Variants in SIAH3 observed in about 807,000 individuals in gnomAD.
SIAH3 encodes siah E3 ubiquitin protein ligase family member 3, also known as seven in absentia homolog 3.
SIAH3 carries 9 observed loss-of-function variants against 12.6 expected under a neutral mutation model. The observed-to-expected ratio is 0.72, with a 90% CI of 0.43 to 1.25. The LOEUF is 1.25. Among genes scored for constraint, SIAH3 ranks in the 50% most tolerant of loss-of-function variants. SIAH3 has a pLI of 0.00. For synonymous variants in SIAH3, 154 were observed against 151.1 expected, an observed-to-expected ratio of 1.02 and a Z score of -0.14; for missense variants, 390 against 365.4, an observed-to-expected ratio of 1.07 and a Z score of -0.55.
At chr13:45,842,276 AATG>A in intron 1 of SIAH3, among the ~76,000 whole-genome samples, 1 of 152,352 alleles carries the variant, frequency 6.6e-6, no homozygotes, top group South Asian at 2.1e-4. Flanking sequence ...ACCTACTAGT[AATG>A]ATGATAACTA....
intron 1 of SIAH3, among the ~76,000 whole-genome samples, chr13:45,837,900 C>T (rs1950724467): frequency 6.6e-6 from 1 of 152,154 alleles, no homozygotes; most frequent in African/African-American, 2.4e-5. Context: ...TTTAAAATAC[C>T]TCTGTGGACT....
At chr13:45,791,443 T>C (rs1192587312) in intron 1 of SIAH3, among the ~76,000 whole-genome samples, 1 of 152,214 alleles carries the variant, frequency 6.6e-6, no homozygotes, top group East Asian at 1.9e-4. Context: ...GAAAGGCTGT[T>C]TGTCTTCAGT....
chr13:45,837,358 T>C (rs1206326031), intron 1 of SIAH3, among the ~76,000 whole-genome samples: 1 of 152,134 alleles, frequency 6.6e-6, no homozygotes, highest in Non-Finnish European at 1.5e-5. Context: ...TCTTTCTCAT[T>C]CCCAGAGGTT....
At chr13:45,802,856 G>A (rs1950586718) in intron 1 of SIAH3, among the ~76,000 whole-genome samples, 1 of 152,206 alleles carries the variant, frequency 6.6e-6, no homozygotes, top group African/African-American at 2.4e-5. Context: ...TGGATCAACT[G>A]AGGTCAGGAG....
chr13:45,831,764 A>G (rs1288042254), intron 1 of SIAH3, among the ~76,000 whole-genome samples: 1 of 152,228 alleles, frequency 6.6e-6, no homozygotes, highest in East Asian at 1.9e-4. Flanking sequence ...CTCTTCACCC[A>G]ACATGTTTGT....
At chr13:45,816,882 T>C (rs17067264) in intron 1 of SIAH3, among the ~76,000 whole-genome samples, 3,593 of 152,310 alleles carry the variant, frequency 0.024, 135 homozygotes, top group African/African-American at 0.081. Flanking sequence ...AACCAGGTTA[T>C]TATTTCACTG....
At chr13:45,791,530 G>C (rs979939445) in intron 1 of SIAH3, among the ~76,000 whole-genome samples, 9 of 152,164 alleles carry the variant, frequency 5.9e-5, no homozygotes, top group Admixed American at 4.6e-4. Context: ...AAGTGTCCAC[G>C]GCTGTGAGCT....
chr13:45,841,182 A>C (rs1425571683), intron 1 of SIAH3, among the ~76,000 whole-genome samples: 1 of 151,940 alleles, frequency 6.6e-6, no homozygotes, highest in Admixed American at 6.6e-5. Context: ...CCTGCCCTGG[A>C]CTCCCTGTCA....
intron 1 of SIAH3, among the ~76,000 whole-genome samples, chr13:45,814,628 A>T (rs148287558): frequency 1.4e-4 from 21 of 152,192 alleles, no homozygotes; most frequent in Non-Finnish European, 1.9e-4. Context: ...CCACAACCCC[A>T]CACTGCTCAG....
At chr13:45,850,919 CCACACACA>C (rs34118981) in intron 1 of SIAH3, among the ~76,000 whole-genome samples, 18,561 of 128,162 alleles carry the variant, frequency 0.14, 2,147 homozygotes, top group African/African-American at 0.32. Flanking sequence ...CCTCCCGACA[CCACACACA>C]CACACACACA....
chr13:45,839,639 T>C (rs1950732534), intron 1 of SIAH3, among the ~76,000 whole-genome samples: 2 of 151,914 alleles, frequency 1.3e-5, no homozygotes, highest in East Asian at 3.9e-4. Flanking sequence ...AAGACCATCC[T>C]GGCTAACACG....
chr13:45,793,377 T>C (rs76395808), intron 1 of SIAH3, among the ~76,000 whole-genome samples: 1,987 of 152,330 alleles, frequency 0.013, 31 homozygotes, highest in African/African-American at 0.046. Context: ...CACAGTACTC[T>C]CTGCCTCCTC....
chr13:45,794,593 A>C (rs9652192), intron 1 of SIAH3, among the ~76,000 whole-genome samples: 45,333 of 151,924 alleles, frequency 0.3, 7,662 homozygotes, highest in Non-Finnish European at 0.39. Context: ...ATAGCGAATA[A>C]GTCTTATGAG....
chr13:45,826,439 GCATGGATGGATGGATGGATGAA>G (rs1950676754), intron 1 of SIAH3, among the ~76,000 whole-genome samples: 3 of 108,050 alleles, frequency 2.8e-5, no homozygotes, highest in South Asian at 4.0e-4. Context: ...ATGAATGGAT[GCATGGATGGATGGATGGATGAA>G]TGGATGGATG....
intron 1 of SIAH3, among the ~76,000 whole-genome samples, chr13:45,847,882 C>A (rs368926203): frequency 6.6e-6 from 1 of 152,112 alleles, no homozygotes; most frequent in East Asian, 1.9e-4. Flanking sequence ...CCAGACCGAC[C>A]CCTAGCACTA....
chr13:45,811,425 G>C (rs1024182667), intron 1 of SIAH3, among the ~76,000 whole-genome samples: 1 of 152,170 alleles, frequency 6.6e-6, no homozygotes, highest in Non-Finnish European at 1.5e-5. Flanking sequence ...CGTTTTGAAA[G>C]GGTACTTTTT....
chr13:45,823,402 A>C (rs1405913713), intron 1 of SIAH3, among the ~76,000 whole-genome samples: 1 of 152,196 alleles, frequency 6.6e-6, no homozygotes. Flanking sequence ...CCTCAGAACC[A>C]CTATAGGCAA....
Position 45,799,168 on chromosome 13 carries a change from C to T in SIAH3, c.136-15111G>A, listed in dbSNP as rs572451316. 5.3e-5 allele frequency among the ~76,000 whole-genome samples: 8 copies of T among 152,264 alleles called. No homozygotes were observed. The South Asian group carries it at 1.0e-3, about 20-fold the overall frequency. On this transcript the variant is annotated intron_variant, in intron 1 of 1. Transcript: ENST00000400405. Reference sequence around the variant, plus strand: ...TCAATTTCCCTGCATTGACTAAGATCGGGAATTGAGGCATAAAGAGGCGGA... The same window carrying T: ...TCAATTTCCCTGCATTGACTAAGATTGGGAATTGAGGCATAAAGAGGCGGA...
At chr13:45,796,256 G>T (rs1473597353) in intron 1 of SIAH3, among the ~76,000 whole-genome samples, 1 of 108,902 alleles carries the variant, frequency 9.2e-6, no homozygotes, top group Non-Finnish European at 2.0e-5. Flanking sequence ...AAATAGAATG[G>T]AAGAAAGAGA....
Sources: allele counts gnomAD v4.1 joint callset (sites outside exome capture counted in the v4.1 genomes callset), GRCh38; gene constraint gnomAD v4.1.1; transcripts MANE v1.5; gene names NCBI Gene and HGNC (gene_info 2026-07-23, HGNC 2026-07-21).